NAT10: variants seen among roughly 807,000 people sequenced by gnomAD.
NAT10 encodes the protein RNA cytidine acetyltransferase.
NAT10 carries 109 observed loss-of-function variants against 132.2 expected under a neutral mutation model. The ratio of observed to expected loss-of-function variants is 0.82; its 90% confidence interval spans 0.71 to 0.97. The LOEUF (loss-of-function observed/expected upper bound fraction) is 0.97, where lower values mean the gene tolerates loss of function less well. Ranked by LOEUF, NAT10 falls within the 50% of genes least tolerant of loss-of-function variation. NAT10 has a pLI of 0.00. For synonymous variants in NAT10, 479 were observed against 478.0 expected, an observed-to-expected ratio of 1.00 and a Z score of -0.03; for missense variants, 1,184 against 1,263.4, an observed-to-expected ratio of 0.94 and a Z score of 0.95.
Position 34,139,504 on chromosome 11 carries a change from G to T in NAT10, c.2419+9G>T, listed in dbSNP as rs765614440. On this transcript the variant is annotated intron_variant, in intron 23 of 28. Coordinates refer to ENST00000257829, the MANE Select transcript of NAT10 (RefSeq NM_024662.3). Reference sequence around the variant, plus strand: ...GAAGCCAGCCCAGCCTGGTGAGCCGGGTGGGGACAGGGAGGAGGGTTGGGA... The same window carrying T: ...GAAGCCAGCCCAGCCTGGTGAGCCGTGTGGGGACAGGGAGGAGGGTTGGGA... 1 of 1,610,380 alleles carries T rather than the reference G, an allele frequency of 6.2e-7. No homozygotes were observed. Among genetic ancestry groups the T allele is most frequent in the Non-Finnish European group, 8.5e-7 (1 of 1,176,704 alleles).
chr11:34,130,752 G>A (rs1852088901), intron 12 of NAT10, 61 bp from the exon 13 acceptor site: 3 of 1,588,014 alleles, frequency 1.9e-6, no homozygotes, highest in South Asian at 2.3e-5. Context: ...GCAGCTCTCT[G>A]TCCCCTCCTA....
intron 12 of NAT10, among the ~76,000 whole-genome samples, chr11:34,130,422 A>T (rs536906637): frequency 6.6e-6 from 1 of 152,220 alleles, no homozygotes; most frequent in Non-Finnish European, 1.5e-5. Context: ...TTCCAGCTTC[A>T]CTAAAACTGC....
At chr11:34,135,982 C>G (rs939942252) in intron 19 of NAT10, among the ~76,000 whole-genome samples, 1 of 151,926 alleles carries the variant, frequency 6.6e-6, no homozygotes, top group Non-Finnish European at 1.5e-5. Flanking sequence ...AAAAAAAGTT[C>G]AAGCTCAGAG....
rs1852336239 is a variant in NAT10 at position 34,141,714 on chromosome 11, T to C, written c.2713-5T>C. On this transcript the variant is annotated splice_region_variant and splice_polypyrimidine_tract_variant and intron_variant, in intron 25 of 28. Coordinates refer to ENST00000257829, the MANE Select transcript of NAT10 (RefSeq NM_024662.3). ...TTCTGCTTCTCTGTTGGTTGTCTTTTGTAGCTATTTAATGAAGTTCAGGAA... is the reference window on the plus strand; with the variant it reads ...TTCTGCTTCTCTGTTGGTTGTCTTTCGTAGCTATTTAATGAAGTTCAGGAA... 6.2e-7 allele frequency: 1 copy of C among 1,613,846 alleles called. No individual in the cohort carries two copies. The highest frequency in any genetic ancestry group is 1.1e-5 in the South Asian group (1 of 91,076).
At chr11:34,142,741 C>T (rs1053030592) in intron 27 of NAT10, among the ~76,000 whole-genome samples, 2 of 152,174 alleles carry the variant, frequency 1.3e-5, no homozygotes, top group African/African-American at 2.4e-5. Flanking sequence ...GCAAAACACC[C>T]CTTGCTCTAA....
intron 5 of NAT10, among the ~76,000 whole-genome samples, chr11:34,115,150 C>T (rs563315734): frequency 3.9e-4 from 60 of 152,122 alleles, no homozygotes; most frequent in Non-Finnish European, 6.5e-4. Flanking sequence ...AGCAAGACTC[C>T]GTCTCAAAAT....
At chr11:34,116,615 G>C (rs1380097332) in intron 6 of NAT10, among the ~76,000 whole-genome samples, 1 of 151,728 alleles carries the variant, frequency 6.6e-6, no homozygotes, top group East Asian at 1.9e-4. Context: ...ATTTTTTTGA[G>C]ACAGAGTCTC....
chr11:34,135,563 T>C (rs1852194433), intron 19 of NAT10, among the ~76,000 whole-genome samples: 1 of 152,192 alleles, frequency 6.6e-6, no homozygotes, highest in African/African-American at 2.4e-5. Context: ...TTAACAAGAT[T>C]CTCAGGTGAT....
At position 34,139,550 on chromosome 11, in the gene NAT10, G is replaced by C. The variant is rs1450013506; in HGVS notation, c.2419+55G>C. 2.7e-6 allele frequency: 4 copies of C among 1,470,376 alleles called. No individual in the cohort carries two copies. In the African/African-American group the frequency reaches 5.6e-5, roughly 20 times the overall value. 91.1% of individuals were successfully genotyped at this position (1,470,376 alleles called of 1,614,324 possible). A position where few individuals can be genotyped will look rare whatever the true frequency, so the allele number is the denominator to read the frequency against. On this transcript the variant is annotated intron_variant, in intron 23 of 28. Coordinates refer to ENST00000257829, the MANE Select transcript of NAT10 (RefSeq NM_024662.3). ...TGGGAATGGCTTGGCTGTGTGGGAG[G>C]TGGGTGTGGTGTCCTAGGAAGGGTT... is the stretch of plus-strand genomic sequence containing the variant.
At chr11:34,121,108 T>TA (rs1237711483) in intron 8 of NAT10, among the ~76,000 whole-genome samples, 1 of 152,162 alleles carries the variant, frequency 6.6e-6, no homozygotes, top group African/African-American at 2.4e-5. Flanking sequence ...CTTTCACACT[T>TA]ACTCTATAAC....
intron 21 of NAT10, chr11:34,138,930 C>T (rs1852267174): frequency 2.3e-6 from 1 of 441,646 alleles, no homozygotes; most frequent in East Asian, 3.9e-5. Flanking sequence ...CCAGAAGAGC[C>T]AGCAGCTCTT....
intron 25 of NAT10, 85 bp downstream of exon 25, chr11:34,141,293 A>G (rs1852324049): frequency 6.3e-7 from 1 of 1,580,182 alleles, no homozygotes; most frequent in African/African-American, 1.4e-5. Flanking sequence ...AACACATGTT[A>G]GCATTTAGCT....
chr11:34,110,293 G>A (rs948202179), intron 3 of NAT10, among the ~76,000 whole-genome samples: 1 of 151,824 alleles, frequency 6.6e-6, no homozygotes, highest in Non-Finnish European at 1.5e-5. Flanking sequence ...GCTTTATGCT[G>A]TGACTAACCT....
At chr11:34,135,587 C>A (rs1037018821) in intron 19 of NAT10, among the ~76,000 whole-genome samples, 1 of 152,174 alleles carries the variant, frequency 6.6e-6, no homozygotes, top group Non-Finnish European at 1.5e-5. Context: ...GATGCTCATT[C>A]AAGTTTGAGA....
intron 28 of NAT10, among the ~76,000 whole-genome samples, chr11:34,144,119 C>G (rs2132985743): frequency 6.6e-6 from 1 of 152,222 alleles, no homozygotes; most frequent in South Asian, 2.1e-4. Context: ...TTGGTTATAT[C>G]TATGGAAATT....
intron 23 of NAT10, 61 bp from the exon 24 acceptor site, chr11:34,140,339 T>A (rs1852298337): frequency 3.3e-6 from 5 of 1,507,214 alleles, no homozygotes; most frequent in Non-Finnish European, 4.6e-6. Flanking sequence ...CTGGGGGCTG[T>A]GTGCTATCTC....
chr11:34,142,439 C>A, intron 27 of NAT10, 91 bp downstream of exon 27: 1 of 1,111,250 alleles, frequency 9.0e-7, no homozygotes, highest in Non-Finnish European at 1.3e-6. Context: ...CCCACGTGCC[C>A]TGGAAAGTGT....
intron 1 of NAT10, among the ~76,000 whole-genome samples, chr11:34,107,925 A>G (rs571008012): frequency 6.6e-6 from 1 of 152,368 alleles, no homozygotes; most frequent in South Asian, 2.1e-4. Context: ...TATTTTAGTC[A>G]TTCTTCTACT....
Position 34,105,700 on chromosome 11 carries a change from G to T in NAT10, c.-108G>T, listed in dbSNP as rs1851581311. On this transcript the variant is annotated 5_prime_UTR_variant, in exon 1 of 29. Transcript: ENST00000257829. ...CCCGGACACCAGGCATACGCTAGGGGCAGTCAGCTGTGCCTTCTCTTTCGG... is the reference window on the plus strand; with the variant it reads ...CCCGGACACCAGGCATACGCTAGGGTCAGTCAGCTGTGCCTTCTCTTTCGG... 1 of 152,362 alleles carries T rather than the reference G, an allele frequency of 6.6e-6. No homozygotes were observed. Among genetic ancestry groups the T allele is most frequent in the East Asian group, 1.9e-4 (1 of 5,202 alleles). 9.4% of individuals were successfully genotyped at this position (152,362 alleles called of 1,614,324 possible). A position where few individuals can be genotyped will look rare whatever the true frequency, so the allele number is the denominator to read the frequency against.
Sources: gnomAD v4.1 joint callset for allele counts (sites outside exome capture counted in the v4.1 genomes callset) on GRCh38, gnomAD v4.1.1 for gene constraint, MANE v1.5 for transcripts, NCBI Gene and HGNC (gene_info 2026-07-23, HGNC 2026-07-21) for gene names.